ICE2: variants seen among roughly 807,000 people sequenced by gnomAD.
The protein encoded by ICE2 is little elongation complex subunit 2.
In ICE2, 87 loss-of-function variants were observed where a neutral mutation model predicts 105.4. The ratio of observed to expected loss-of-function variants is 0.83; its 90% CI spans 0.69 to 0.99. The LOEUF (loss-of-function observed/expected upper bound fraction) is 0.99, where lower values mean the gene tolerates loss of function less well. Ranked by LOEUF, ICE2 falls within the 50% of genes least tolerant of loss-of-function variation. The pLI is 0.00. For missense variants in ICE2, 1,323 were observed against 1,146.7 expected, an observed-to-expected ratio of 1.15 and a Z score of -2.22; for synonymous variants, 399 against 392.0, an observed-to-expected ratio of 1.02 and a Z score of -0.21.
chr15:60,441,294 G>C (rs2063715322), intron 12 of ICE2: 1 of 152,084 alleles, frequency 6.6e-6, no homozygotes, highest in Non-Finnish European at 1.5e-5. Flanking sequence ...TTCCTTTTTT[G>C]AGTTAAGCAG....
rs138063647 is a variant in ICE2, at chr15:60,477,156, T to C, written c.41+781A>G. Among the ~76,000 whole-genome samples the C allele has an allele frequency of 3.7e-3, 558 of 152,362 alleles. 3 individuals are homozygous for C. The Middle Eastern group carries it at 0.037, about 10-fold the overall frequency. On this transcript the variant is annotated intron_variant, in intron 2 of 15. Coordinates refer to ENST00000261520, the MANE Select transcript of ICE2 (RefSeq NM_024611.6). ...TAATGGTAAAATTAGAAAGTCTTAT[T>C]TGCTATGCATCAGTATAGTTTCTTA...
Position 60,455,372 on chromosome 15 carries a change from A to T in ICE2, c.737T>A (p.Ile246Lys). ...TTGTTCTGACGTTTCAATGGTAGCT[A>T]TATCGTCCTTTGACAGCTGCAACTT... ...PIKLQLSKDD[I>K]ATIETSEQTA... Residue 246 changes from isoleucine to lysine, a missense_variant, in exon 7 of 16, where the codon ATA becomes AAA. Coordinates refer to ENST00000261520, the MANE Select transcript of ICE2 (RefSeq NM_024611.6). 6.2e-7 allele frequency: 1 copy of T among 1,613,990 alleles called. No homozygotes were observed. The highest frequency in any genetic ancestry group is 1.1e-5 in the South Asian group (1 of 91,074).
intron 2 of ICE2, 113 bp from the exon 3 acceptor site, chr15:60,476,280 C>T: frequency 1.5e-6 from 1 of 648,444 alleles, no homozygotes; most frequent in Non-Finnish European, 2.7e-6. Context: ...CCCCCCCATC[C>T]CCAGACAATC....
chr15:60,448,243 A>T, intron 10 of ICE2, 98 bp from the exon 11 acceptor site: 1 of 765,148 alleles, frequency 1.3e-6, no homozygotes, highest in Non-Finnish European at 2.0e-6. Flanking sequence ...AACTTCTATC[A>T]TCTTTAATTT....
At chr15:60,462,451 A>G (rs776091989) in intron 5 of ICE2, among the ~76,000 whole-genome samples, 65 of 152,214 alleles carry the variant, frequency 4.3e-4, no homozygotes, top group Non-Finnish European at 8.2e-4. Flanking sequence ...GAGGTAATGC[A>G]TATGTTAATT....
At chr15:60,477,815 G>C in intron 2 of ICE2, 122 bp downstream of exon 2, 1 of 855,000 alleles carries the variant, frequency 1.2e-6, no homozygotes, top group African/African-American at 1.7e-5. Flanking sequence ...TAAATTCTGA[G>C]ACCCTAAACT....
chr15:60,437,790 T>C (rs2063629374), intron 12 of ICE2: 1 of 151,614 alleles, frequency 6.6e-6, no homozygotes, highest in South Asian at 2.1e-4. Flanking sequence ...TAGCTAAGAC[T>C]ATAGTTGTGT....
chr15:60,449,263 G>C lies in ICE2; in HGVS notation c.1704C>G (p.Leu568=). 1.2e-6 allele frequency: 2 copies of C among 1,613,544 alleles called. No homozygotes were observed. The highest frequency in any genetic ancestry group is 1.7e-6 in the Non-Finnish European group (2 of 1,180,000). Residue 568 remains leucine, a synonymous_variant, in exon 10 of 16, where the codon CTC becomes CTG. Transcript: ENST00000261520. ...ACTCCTCATCTGTATCACTGCTGCAGAGAACTGTATCTTCAGTTTTTGCTG... is the reference window on the plus strand; with the variant it reads ...ACTCCTCATCTGTATCACTGCTGCACAGAACTGTATCTTCAGTTTTTGCTG... ...SEAAKTEDTV[L]CSSDTDEECL...
chr15:60,423,600 G>GT lies in ICE2; in HGVS notation c.*33dup. The GT allele has an allele frequency of 6.4e-7, 1 of 1,572,210 alleles. No individual in the cohort carries two copies. The highest frequency in any genetic ancestry group is 8.6e-7 in the Non-Finnish European group (1 of 1,160,620). ...ATCTAAATTAAACACTGTTATAACT[G>GT]TTTTTTTAAATTTAGTTTTCCATGG... On this transcript the variant is annotated 3_prime_UTR_variant, in exon 16 of 16. Coordinates refer to ENST00000261520, the MANE Select transcript of ICE2 (RefSeq NM_024611.6).
chr15:60,450,338 T>G (rs202023867), intron 9 of ICE2, among the ~76,000 whole-genome samples: 3 of 152,228 alleles, frequency 2.0e-5, no homozygotes, highest in East Asian at 1.9e-4. Flanking sequence ...ACCAGTGACT[T>G]TCTTTCCACA....
chr15:60,446,509 C>A (rs1217104556), intron 11 of ICE2, among the ~76,000 whole-genome samples: 1 of 152,212 alleles, frequency 6.6e-6, no homozygotes, highest in Non-Finnish European at 1.5e-5. Flanking sequence ...CATTCTCCAG[C>A]CTCAGCCTCC....
rs1595835410 is a variant in ICE2, at chr15:60,478,217, C to T, written c.-92-148G>A. ...ACAGCAGACCCAAGGTTCTTTGTAGCAGAGCAGCAATGACGATACAGGACG... is the reference window on the plus strand; with the variant it reads ...ACAGCAGACCCAAGGTTCTTTGTAGTAGAGCAGCAATGACGATACAGGACG... On this transcript the variant is annotated intron_variant, in intron 1 of 15. Transcript: ENST00000261520. 28 of 560,010 alleles carry T rather than the reference C, an allele frequency of 5.0e-5. No homozygotes were observed. The East Asian group carries it at 8.2e-4, about 16-fold the overall frequency. 34.7% of individuals were successfully genotyped at this position (560,010 alleles called of 1,614,324 possible).
At chr15:60,451,557 A>G (rs2063966856) in intron 9 of ICE2, 1 of 981,258 alleles carries the variant, frequency 1.0e-6, no homozygotes, top group South Asian at 4.7e-5. Flanking sequence ...AATAGACATT[A>G]AGAAGTATAA....
chr15:60,436,275 AG>A, intron 12 of ICE2, 48 bp from the exon 13 acceptor site: 1 of 701,314 alleles, frequency 1.4e-6, no homozygotes, highest in Non-Finnish European at 2.2e-6. Flanking sequence ...TGCAGTATTT[AG>A]AAAAAAAAAA....
Position 60,449,706 on chromosome 15 carries a change from T to C in ICE2, c.1261A>G (p.Ser421Gly). 6.2e-7 allele frequency: 1 copy of C among 1,614,148 alleles called. No homozygotes were observed. Residue 421 changes from serine (S) to glycine (G), a missense_variant, in exon 10 of 16, where the codon AGT becomes GGT. Coordinates refer to ENST00000261520, the MANE Select transcript of ICE2 (RefSeq NM_024611.6). ...GTCATGTTAGGTACTGTGGAAGTAC[T>C]TGCTGGACTTGGTGATTTTGATACT... Reference protein sequence around the residue: ...TKVSKSPSPASTSTVPNMTDA... With the variant: ...TKVSKSPSPAGTSTVPNMTDA...
intron 15 of ICE2, 136 bp from the exon 16 acceptor site, chr15:60,423,898 G>A (rs2063281893): frequency 1.3e-6 from 1 of 744,988 alleles, no homozygotes; most frequent in African/African-American, 1.8e-5. Context: ...CCAGCTAGCT[G>A]GCTGTTTCTA....
rs376274551 is a variant in ICE2, at chr15:60,421,702, T to G, written c.*1932A>C. On this transcript the variant is annotated 3_prime_UTR_variant, in exon 16 of 16. Coordinates refer to ENST00000261520, the MANE Select transcript of ICE2 (RefSeq NM_024611.6). ...AGTGTAAGAGTACATTTCAAGGGAA[T>G]CCCTGCCTCTCCCTTGGCTCGCTGG... The G allele has an allele frequency of 1.3e-5, 2 of 152,108 alleles. No individual in the cohort carries two copies. Among genetic ancestry groups the G allele is most frequent in the African/African-American group, 4.8e-5 (2 of 41,424 alleles). The allele number at this position is 152,108 out of a possible 1,614,324, so 9.4% of individuals were successfully genotyped here.
At chr15:60,473,276 G>C (rs2064659546) in intron 3 of ICE2, among the ~76,000 whole-genome samples, 1 of 152,014 alleles carries the variant, frequency 6.6e-6, no homozygotes, top group Non-Finnish European at 1.5e-5. Flanking sequence ...GAGTGAGTGA[G>C]TGAGAGAGAG....
At chr15:60,453,444 T>C in intron 9 of ICE2, 159 bp downstream of exon 9, 1 of 1,402,794 alleles carries the variant, frequency 7.1e-7, no homozygotes, top group Non-Finnish European at 9.3e-7. Flanking sequence ...GGAGGTTAAG[T>C]TAGTTGCCTA....
Sources: allele counts gnomAD v4.1 joint callset (sites outside exome capture counted in the v4.1 genomes callset), GRCh38; gene constraint gnomAD v4.1.1; transcripts MANE v1.5; gene names NCBI Gene and HGNC (gene_info 2026-07-23, HGNC 2026-07-21).